The following CFAP299 variants were observed in gnomAD, a reference collection of about 807,000 sequenced individuals.
CFAP299 encodes the protein cilia and flagella associated protein 299.
Under a neutral mutation model 27.0 loss-of-function variants are expected in CFAP299, and 21 were observed. The observed-to-expected ratio is 0.78, with a 90% CI of 0.55 to 1.12. CFAP299 has a LOEUF of 1.12. Ranked by LOEUF, CFAP299 falls within the 50% of genes most tolerant of loss-of-function variation. The pLI is 0.00. For missense variants in CFAP299, 310 were observed against 276.6 expected, an observed-to-expected ratio of 1.12 and a Z score of -0.86; for synonymous variants, 104 against 98.1, an observed-to-expected ratio of 1.06 and a Z score of -0.36.
intron 2 of CFAP299, among the ~76,000 whole-genome samples, chr4:80,471,381 G>A (rs950645123): frequency 8.6e-5 from 13 of 151,564 alleles, no homozygotes; most frequent in African/African-American, 3.2e-4. Flanking sequence ...ATATTTATTG[G>A]TAATGTTTGT....
chr4:80,488,523 G>A (rs1446259890), intron 2 of CFAP299, among the ~76,000 whole-genome samples: 1 of 150,290 alleles, frequency 6.7e-6, no homozygotes, highest in Non-Finnish European at 1.5e-5. Flanking sequence ...GCCCAGGCTG[G>A]AGTGCAGTGG....
intron 3 of CFAP299, among the ~76,000 whole-genome samples, chr4:80,785,319 T>C: frequency 6.6e-6 from 1 of 152,184 alleles, no homozygotes; most frequent in Non-Finnish European, 1.5e-5. Flanking sequence ...TGGATAACTC[T>C]ATGTGGTATC....
intron 3 of CFAP299, among the ~76,000 whole-genome samples, chr4:80,752,764 C>G (rs1366288475): frequency 6.6e-6 from 1 of 151,858 alleles, no homozygotes; most frequent in African/African-American, 2.4e-5. Context: ...TTTATCTCCA[C>G]TATTGGCTTT....
At chr4:80,531,032 A>G (rs1035461101) in intron 2 of CFAP299, among the ~76,000 whole-genome samples, 2 of 152,200 alleles carry the variant, frequency 1.3e-5, no homozygotes, top group Non-Finnish European at 2.9e-5. Flanking sequence ...GAGAAAAAAT[A>G]ATAATTTATA....
At chr4:80,369,873 T>C (rs1466351143) in intron 2 of CFAP299, among the ~76,000 whole-genome samples, 1 of 152,224 alleles carries the variant, frequency 6.6e-6, no homozygotes, top group Admixed American at 6.5e-5. Flanking sequence ...TTCTGGATAG[T>C]GCATGCATAA....
At chr4:80,728,766 G>A (rs955649902) in intron 3 of CFAP299, among the ~76,000 whole-genome samples, 9 of 152,116 alleles carry the variant, frequency 5.9e-5, no homozygotes, top group African/African-American at 1.9e-4. Context: ...TATCCTAACT[G>A]CGTGCTACCC....
rs1215099708 is a variant in CFAP299 at position 80,950,379 on chromosome 4, A to AAT, written c.606+5444_606+5445dup. ...AGGTTAACTGGTGAGTGGGTGGGAA[A>AAT]ATATACACATAGAAATGGCAAGCTA... On this transcript the variant is annotated intron_variant, in intron 5 of 5. Coordinates refer to ENST00000358105, the MANE Select transcript of CFAP299 (RefSeq NM_152770.3). Among the ~76,000 whole-genome samples the AAT allele has an allele frequency of 3.3e-5, 5 of 152,132 alleles. No individual in the cohort carries two copies. In the East Asian group the frequency reaches 9.7e-4, roughly 29 times the overall value.
chr4:80,830,247 T>C (rs72881527), intron 3 of CFAP299, among the ~76,000 whole-genome samples: 7,614 of 152,074 alleles, frequency 0.05, 391 homozygotes, highest in African/African-American at 0.14. Context: ...CATACCTCAG[T>C]ATGAAATGCA....
intron 5 of CFAP299, among the ~76,000 whole-genome samples, chr4:80,947,627 C>T (rs900009148): frequency 6.6e-6 from 1 of 152,044 alleles, no homozygotes; most frequent in African/African-American, 2.4e-5. Flanking sequence ...AATAAGAAGC[C>T]TGTGTGATTC....
chr4:80,683,044 C>G (rs935432532), intron 3 of CFAP299, among the ~76,000 whole-genome samples: 1 of 152,080 alleles, frequency 6.6e-6, no homozygotes, highest in Non-Finnish European at 1.5e-5. Context: ...TCCCATTTTT[C>G]TTCACCTGGT....
At chr4:80,499,133 G>T (rs1192095234) in intron 2 of CFAP299, among the ~76,000 whole-genome samples, 1 of 152,018 alleles carries the variant, frequency 6.6e-6, no homozygotes, top group Admixed American at 6.6e-5. Flanking sequence ...CTTACCTATT[G>T]GGTACCATGC....
chr4:80,690,537 C>G (rs1720595582), intron 3 of CFAP299, among the ~76,000 whole-genome samples: 1 of 151,638 alleles, frequency 6.6e-6, no homozygotes, highest in East Asian at 1.9e-4. Context: ...GGGACGCATT[C>G]AAAGCAGTGT....
At chr4:80,882,494 C>T (rs191869446) in intron 4 of CFAP299, among the ~76,000 whole-genome samples, 3 of 152,092 alleles carry the variant, frequency 2.0e-5, no homozygotes, top group Non-Finnish European at 2.9e-5. Flanking sequence ...AAAAATTAGC[C>T]GGGCGCGGTG....
chr4:80,886,410 G>A (rs1049692158), intron 4 of CFAP299, among the ~76,000 whole-genome samples: 9 of 152,144 alleles, frequency 5.9e-5, no homozygotes, highest in South Asian at 2.1e-4. Context: ...CACATAGTGC[G>A]ACACAGAGAG....
At chr4:80,348,821 A>T (rs1430922962) in intron 1 of CFAP299, among the ~76,000 whole-genome samples, 1 of 152,266 alleles carries the variant, frequency 6.6e-6, no homozygotes, top group Non-Finnish European at 1.5e-5. Flanking sequence ...ACACATGTTT[A>T]CCTAAAATCT....
chr4:80,395,808 G>C (rs1369234845), intron 2 of CFAP299, among the ~76,000 whole-genome samples: 3 of 152,032 alleles, frequency 2.0e-5, no homozygotes, highest in Non-Finnish European at 2.9e-5. Context: ...TAAATTCATT[G>C]AATCAATCAT....
intron 3 of CFAP299, among the ~76,000 whole-genome samples, chr4:80,714,941 G>A (rs1722392717): frequency 6.6e-6 from 1 of 151,986 alleles, no homozygotes; most frequent in African/African-American, 2.4e-5. Flanking sequence ...TCTGACACAT[G>A]ACAATTTCTT....
At chr4:80,674,043 T>A (rs558720565) in intron 3 of CFAP299, among the ~76,000 whole-genome samples, 1 of 152,326 alleles carries the variant, frequency 6.6e-6, no homozygotes, top group African/African-American at 2.4e-5. Flanking sequence ...TATTGTTATG[T>A]GTGAATTTGA....
At chr4:80,667,391 ATAAAC>A (rs1444385416) in intron 3 of CFAP299, among the ~76,000 whole-genome samples, 1 of 152,168 alleles carries the variant, frequency 6.6e-6, no homozygotes, top group Non-Finnish European at 1.5e-5. Flanking sequence ...ACAGATTATT[ATAAAC>A]TATAGTCACA....
Sources: gnomAD v4.1 joint callset for allele counts (sites outside exome capture counted in the v4.1 genomes callset) on GRCh38, gnomAD v4.1.1 for gene constraint, MANE v1.5 for transcripts, NCBI Gene and HGNC (gene_info 2026-07-23, HGNC 2026-07-21) for gene names.